CREB5: variants seen among roughly 807,000 people sequenced by gnomAD.
CREB5 encodes cyclic AMP-responsive element-binding protein 5.
Under a neutral mutation model 57.1 loss-of-function variants are expected in CREB5, and 19 were observed. The observed-to-expected ratio is 0.33, with a 90% CI of 0.23 to 0.49. The LOEUF is 0.49. Ranked by LOEUF, CREB5 falls within the 20% of genes least tolerant of loss-of-function variation. CREB5 has a pLI of 0.99. For synonymous variants in CREB5, 238 were observed against 238.3 expected (o/e 1.00, Z 0.01); for missense variants, 579 against 671.6 (o/e 0.86, Z 1.52).
At chr7:28,511,471 G>A (rs963237667) in intron 4 of CREB5, among the ~76,000 whole-genome samples, 25 of 152,116 alleles carry the variant, frequency 1.6e-4, no homozygotes, top group Non-Finnish European at 3.4e-4. Flanking sequence ...AGTGAGATGG[G>A]AAACTATAGG....
At chr7:28,560,891 T>TGCGCGTGC (rs1314317818) in intron 4 of CREB5, among the ~76,000 whole-genome samples, 3,015 of 19,526 alleles carry the variant, frequency 0.15, 526 homozygotes, top group Non-Finnish European at 0.18. Flanking sequence ...TGCGTGCGTG[T>TGCGCGTGC]GTGTGCGTGC....
At chr7:28,341,252 AT>A (rs528133774) in intron 1 of CREB5, among the ~76,000 whole-genome samples, 123 of 151,938 alleles carry the variant, frequency 8.1e-4, no homozygotes, top group African/African-American at 2.8e-3. Flanking sequence ...TATCATAAGC[AT>A]TTTTTTCTAC....
rs367586701 is a variant in CREB5, at chr7:28,725,600, C to T, written c.702+1268C>T. Among the ~76,000 whole-genome samples the T allele has an allele frequency of 3.9e-4, 56 of 145,162 alleles. No individual in the cohort carries two copies. In the South Asian group the frequency reaches 0.011, roughly 28 times the overall value. ...ACTTGCTGGCAGAATAAAGTTCAAA[C>T]TGGCAACTGTTTTGGAGACCAAAGT... On this transcript the variant is annotated intron_variant, in intron 7 of 10. Coordinates refer to ENST00000357727, the MANE Select transcript of CREB5 (RefSeq NM_182898.4).
At chr7:28,541,436 G>A (rs1403802995) in intron 4 of CREB5, among the ~76,000 whole-genome samples, 1 of 152,164 alleles carries the variant, frequency 6.6e-6, no homozygotes, top group African/African-American at 2.4e-5. Flanking sequence ...GGGAGACCGA[G>A]ACAGGTGGAT....
chr7:28,725,126 A>G (rs186497449), intron 7 of CREB5, among the ~76,000 whole-genome samples: 1 of 152,242 alleles, frequency 6.6e-6, no homozygotes, highest in East Asian at 1.9e-4. Context: ...CAAACTTTCT[A>G]GCATCTGATA....
chr7:28,700,606 G>A (rs915198673), intron 5 of CREB5, among the ~76,000 whole-genome samples: 4 of 152,136 alleles, frequency 2.6e-5, no homozygotes, highest in Non-Finnish European at 4.4e-5. Flanking sequence ...GACTAAAATC[G>A]GCCCTCTGCA....
rs151337801 is a variant in CREB5, at chr7:28,572,641, A to G, written c.464+2104A>G. 6.7e-4 allele frequency among the ~76,000 whole-genome samples: 102 copies of G among 151,596 alleles called. 1 individual carries two copies. The highest frequency in any genetic ancestry group is 2.4e-3 in the African/African-American group (101 of 41,296). ...CACCCCCCACCAACTACCCTTTTGG[A>G]GGCCCTTAGTATTCAGCCATTGTTA... is the stretch of plus-strand genomic sequence containing the variant. On this transcript the variant is annotated intron_variant, in intron 5 of 10. Coordinates refer to ENST00000357727, the MANE Select transcript of CREB5 (RefSeq NM_182898.4).
At chr7:28,338,785 G>C (rs1277140250) in intron 1 of CREB5, among the ~76,000 whole-genome samples, 1 of 151,876 alleles carries the variant, frequency 6.6e-6, no homozygotes, top group African/African-American at 2.4e-5. Flanking sequence ...TTCTCGATCT[G>C]GTAGACATGC....
intron 1 of CREB5, among the ~76,000 whole-genome samples, chr7:28,396,602 A>G (rs1787340633): frequency 6.6e-6 from 1 of 152,196 alleles, no homozygotes; most frequent in Non-Finnish European, 1.5e-5. Flanking sequence ...GATATTATTT[A>G]AGTACTTAAT....
At chr7:28,406,460 C>T (rs751387120) in intron 1 of CREB5, among the ~76,000 whole-genome samples, 3 of 152,218 alleles carry the variant, frequency 2.0e-5, no homozygotes, top group African/African-American at 7.2e-5. Context: ...GCCTATACTC[C>T]TGTTCTGTGG....
intron 1 of CREB5, among the ~76,000 whole-genome samples, chr7:28,349,502 T>G (rs1327872303): frequency 1.3e-5 from 2 of 151,974 alleles, no homozygotes; most frequent in Non-Finnish European, 2.9e-5. Flanking sequence ...TGGCATTGAT[T>G]TCAGGAGAAA....
rs1786262683 is a variant in CREB5 at position 28,352,917 on chromosome 7, C to T, written c.-25+53476C>T. On this transcript the variant is annotated intron_variant, in intron 1 of 9. Transcript: ENST00000396299. ...TGAACCAAGGCATTCAGACTTTACA[C>T]GTGTTCTCATCCACTGCACAAACCA... Among the ~76,000 whole-genome samples, 3 of 152,344 alleles carry T rather than the reference C, an allele frequency of 2.0e-5. 1 individual carries two copies. Among genetic ancestry groups the T allele is most frequent in the Middle Eastern group, 6.8e-3 (2 of 294 alleles).
At chr7:28,622,101 CT>C (rs1243160361) in intron 5 of CREB5, among the ~76,000 whole-genome samples, 1 of 152,180 alleles carries the variant, frequency 6.6e-6, no homozygotes, top group Non-Finnish European at 1.5e-5. Context: ...TAAAGCAGCT[CT>C]TTGCAGTGTG....
chr7:28,345,761 G>A (rs1048910590), intron 1 of CREB5, among the ~76,000 whole-genome samples: 10 of 152,178 alleles, frequency 6.6e-5, no homozygotes, highest in Non-Finnish European at 1.2e-4. Flanking sequence ...ATGAAGATAG[G>A]CCAGAGGCAG....
intron 5 of CREB5, among the ~76,000 whole-genome samples, chr7:28,692,916 CTT>C (rs950585106): frequency 4.7e-4 from 72 of 152,352 alleles, no homozygotes; most frequent in African/African-American, 1.7e-3. Flanking sequence ...TACGCAAACA[CTT>C]TAACACAAGT....
intron 7 of CREB5, among the ~76,000 whole-genome samples, chr7:28,793,970 A>G (rs1807879616): frequency 6.6e-6 from 1 of 152,208 alleles, no homozygotes; most frequent in South Asian, 2.1e-4. Context: ...AGGCCCTGTG[A>G]TACATATGTG....
intron 5 of CREB5, among the ~76,000 whole-genome samples, chr7:28,705,557 A>G (rs1384413003): frequency 6.6e-6 from 1 of 152,188 alleles, no homozygotes; most frequent in Non-Finnish European, 1.5e-5. Flanking sequence ...ATTGACATTT[A>G]CTGTGCCCAT....
intron 5 of CREB5, among the ~76,000 whole-genome samples, chr7:28,717,434 T>C (rs1183329003): frequency 6.6e-6 from 1 of 152,204 alleles, no homozygotes; most frequent in African/African-American, 2.4e-5. Context: ...TGGAAAACTT[T>C]ATCTTCTTTG....
intron 5 of CREB5, among the ~76,000 whole-genome samples, chr7:28,652,357 G>A (rs889136402): frequency 5.3e-5 from 8 of 152,088 alleles, no homozygotes. Flanking sequence ...TCACACTATG[G>A]TTTTAAAGAT....
Sources: allele counts gnomAD v4.1 joint callset (sites outside exome capture counted in the v4.1 genomes callset), GRCh38; gene constraint gnomAD v4.1.1; transcripts MANE v1.5; gene names NCBI Gene and HGNC (gene_info 2026-07-23, HGNC 2026-07-21).